The following PDSS2 variants were observed in gnomAD, a reference collection of about 807,000 sequenced individuals.
PDSS2 encodes decaprenyl diphosphate synthase subunit 2, also known as all trans-polyprenyl-diphosphate synthase PDSS2.
Under a neutral mutation model 44.5 loss-of-function variants are expected in PDSS2, and 31 were observed. The observed-to-expected ratio is 0.70, with a 90% CI of 0.52 to 0.94. PDSS2 has a LOEUF of 0.94. Ranked by LOEUF, PDSS2 falls within the 40% of genes least tolerant of loss-of-function variation. The pLI is 0.00. For synonymous variants in PDSS2, 157 were observed against 180.3 expected (o/e 0.87, Z 1.03); for missense variants, 452 against 482.2 (o/e 0.94, Z 0.59).
At chr6:107,312,328 C>T (rs955699957) in intron 2 of PDSS2, among the ~76,000 whole-genome samples, 9 of 152,160 alleles carry the variant, frequency 5.9e-5, no homozygotes, top group African/African-American at 2.2e-4. Flanking sequence ...TGTAGGTGGA[C>T]CAGGCCTCTC....
At chr6:107,388,933 CA>C (rs1251212257) in intron 1 of PDSS2, among the ~76,000 whole-genome samples, 1 of 152,254 alleles carries the variant, frequency 6.6e-6, no homozygotes, top group East Asian at 1.9e-4. Context: ...ATCTTAAATG[CA>C]TTTTGCTAAG....
At chr6:107,308,920 T>C (rs558851012) in intron 2 of PDSS2, among the ~76,000 whole-genome samples, 2 of 152,308 alleles carry the variant, frequency 1.3e-5, no homozygotes, top group East Asian at 3.9e-4. Flanking sequence ...GAGCACAGAT[T>C]TAGCACAAAG....
chr6:107,397,789 T>A (rs555273952), intron 1 of PDSS2, among the ~76,000 whole-genome samples: 3 of 152,340 alleles, frequency 2.0e-5, no homozygotes, highest in Non-Finnish European at 4.4e-5. Flanking sequence ...AAAACTTGTA[T>A]CAGCCACTAT....
chr6:107,204,284 T>C (rs1178504551), intron 6 of PDSS2, among the ~76,000 whole-genome samples: 2 of 152,170 alleles, frequency 1.3e-5, no homozygotes, highest in Admixed American at 6.6e-5. Context: ...GCAGCATGTA[T>C]CAATACCTCA....
intron 1 of PDSS2, among the ~76,000 whole-genome samples, chr6:107,380,995 T>C (rs971883906): frequency 6.6e-6 from 1 of 152,252 alleles, no homozygotes; most frequent in African/African-American, 2.4e-5. Context: ...TATAAAGTTT[T>C]ATTTTAGTGT....
At chr6:107,206,792 G>T (rs1772991770) in intron 6 of PDSS2, among the ~76,000 whole-genome samples, 1 of 152,136 alleles carries the variant, frequency 6.6e-6, no homozygotes, top group African/African-American at 2.4e-5. Flanking sequence ...GGACAATCTT[G>T]ATCTGACCTT....
At chr6:107,390,053 C>A (rs1025119843) in intron 1 of PDSS2, among the ~76,000 whole-genome samples, 25 of 152,012 alleles carry the variant, frequency 1.6e-4, no homozygotes, top group African/African-American at 5.8e-4. Context: ...AAATAAATAT[C>A]CCTGAGTCCG....
At chr6:107,458,351 T>G (rs13213696) in intron 1 of PDSS2, among the ~76,000 whole-genome samples, 1 of 137,770 alleles carries the variant, frequency 7.3e-6, no homozygotes, top group East Asian at 2.1e-4. Context: ...TAGCCGGACG[T>G]GGTGGCGGGC....
At chr6:107,377,258 C>CATTT (rs1455659676) in intron 1 of PDSS2, among the ~76,000 whole-genome samples, 3 of 152,206 alleles carry the variant, frequency 2.0e-5, no homozygotes, top group African/African-American at 7.2e-5. Context: ...CAAAAGAAGA[C>CATTT]ATTTATGCAG....
chr6:107,396,644 G>C (rs1487033936), intron 1 of PDSS2, among the ~76,000 whole-genome samples: 1 of 150,760 alleles, frequency 6.6e-6, no homozygotes, highest in African/African-American at 2.4e-5. Context: ...TTGCCACAGA[G>C]GATTTGCCCT....
At chr6:107,217,863 T>A (rs896446536) in intron 4 of PDSS2, among the ~76,000 whole-genome samples, 1 of 152,216 alleles carries the variant, frequency 6.6e-6, no homozygotes, top group Non-Finnish European at 1.5e-5. Flanking sequence ...ATATGTAACA[T>A]TGCTCCAAAA....
chr6:107,394,683 T>C (rs1779886456), intron 1 of PDSS2, among the ~76,000 whole-genome samples: 1 of 152,148 alleles, frequency 6.6e-6, no homozygotes, highest in Non-Finnish European at 1.5e-5. Context: ...AGTATAACCT[T>C]TTCTGTAAAA....
chr6:107,346,852 T>C (rs1431323151), intron 1 of PDSS2, among the ~76,000 whole-genome samples: 5 of 152,202 alleles, frequency 3.3e-5, no homozygotes, highest in Non-Finnish European at 5.9e-5. Flanking sequence ...TTTCCTTGAA[T>C]CTTCTCTTGC....
chr6:107,377,758 T>C (rs1349693107), intron 1 of PDSS2, among the ~76,000 whole-genome samples: 17 of 151,820 alleles, frequency 1.1e-4, no homozygotes, highest in Non-Finnish European at 2.4e-4. Context: ...AAATTGGAAA[T>C]CATCATTCTC....
At chr6:107,352,642 A>G (rs1219940387) in intron 1 of PDSS2, among the ~76,000 whole-genome samples, 1 of 152,236 alleles carries the variant, frequency 6.6e-6, no homozygotes, top group Non-Finnish European at 1.5e-5. Flanking sequence ...GGTGATGTAC[A>G]AACTATTTCT....
At chr6:107,375,526 TAAG>T (rs1226218120) in intron 1 of PDSS2, among the ~76,000 whole-genome samples, 2 of 152,212 alleles carry the variant, frequency 1.3e-5, no homozygotes, top group African/African-American at 2.4e-5. Context: ...AAAGTTCATG[TAAG>T]AAGAAGTAAA....
intron 7 of PDSS2, among the ~76,000 whole-genome samples, chr6:107,187,775 T>G (rs557085538): frequency 1.2e-4 from 19 of 152,224 alleles, no homozygotes; most frequent in Middle Eastern, 3.4e-3. Context: ...GTAATACTCA[T>G]GCACACATGT....
intron 1 of PDSS2, among the ~76,000 whole-genome samples, chr6:107,412,578 C>T (rs1382756899): frequency 1.3e-5 from 2 of 152,154 alleles, no homozygotes; most frequent in African/African-American, 4.8e-5. Context: ...TGAGCATGTG[C>T]TAACTTTCCT....
intron 1 of PDSS2, among the ~76,000 whole-genome samples, chr6:107,433,947 A>T (rs1247523048): frequency 4.6e-5 from 7 of 152,222 alleles, no homozygotes; most frequent in African/African-American, 1.7e-4. Flanking sequence ...GAATAATTTG[A>T]TCTTAAAGTG....
Sources: allele counts gnomAD v4.1 joint callset (sites outside exome capture counted in the v4.1 genomes callset), GRCh38; gene constraint gnomAD v4.1.1; transcripts MANE v1.5; gene names NCBI Gene and HGNC (gene_info 2026-07-23, HGNC 2026-07-21).